The following FMN2 variants were observed in gnomAD, a reference collection of about 807,000 sequenced individuals.
The protein encoded by FMN2 is formin-2.
A neutral mutation model predicts 142.3 loss-of-function variants in FMN2; 51 were observed. The ratio of observed to expected loss-of-function variants is 0.36; its 90% CI spans 0.29 to 0.45. FMN2 has a LOEUF of 0.45. Among genes scored for constraint, FMN2 ranks in the 20% least tolerant of loss-of-function variants. The probability of loss-of-function intolerance (pLI) is 1.00; values close to 1 mark genes in which losing one functional copy is unlikely to be tolerated. For missense variants in FMN2, 1,936 were observed against 2,122.8 expected, an observed-to-expected ratio of 0.91 and a Z score of 1.73; for synonymous variants, 882 against 869.8, an observed-to-expected ratio of 1.01 and a Z score of -0.25.
chr1:240,434,526 GT>G (rs34529154), intron 15 of FMN2, among the ~76,000 whole-genome samples: 79,366 of 150,360 alleles, frequency 0.53, 22,460 homozygotes, highest in East Asian at 0.75. Flanking sequence ...TTATTTGCTT[GT>G]TTTTTTTTGT....
chr1:240,423,822 T>C (rs374908561), intron 15 of FMN2, among the ~76,000 whole-genome samples: 1 of 152,158 alleles, frequency 6.6e-6, no homozygotes, highest in African/African-American at 2.4e-5. Flanking sequence ...TGTCTCAAAA[T>C]AGCCAGAACT....
At chr1:240,447,033 G>A (rs1044612494) in intron 16 of FMN2, among the ~76,000 whole-genome samples, 4 of 152,178 alleles carry the variant, frequency 2.6e-5, no homozygotes, top group Non-Finnish European at 5.9e-5. Context: ...AGAGATGAGG[G>A]AAGAGATTGC....
chr1:240,210,909 T>TA (rs1339494791), intron 5 of FMN2, among the ~76,000 whole-genome samples, 182 bp from the exon 6 acceptor site: 1 of 152,222 alleles, frequency 6.6e-6, no homozygotes, highest in Non-Finnish European at 1.5e-5. Flanking sequence ...ACTTTCCCAT[T>TA]AAGTTGATCA....
rs574294000 is a variant in FMN2 at position 240,301,690 on chromosome 1, A to G, written c.4215+6807A>G. On this transcript the variant is annotated intron_variant, in intron 8 of 17. Coordinates refer to ENST00000319653, the MANE Select transcript of FMN2 (RefSeq NM_020066.5). ...CTTTCAGCATAATAAAGATATCCCA[A>G]TTACCTCCGATCTACCTTGTCTCTG... Among the ~76,000 whole-genome samples, 9 of 151,954 alleles carry G rather than the reference A, an allele frequency of 5.9e-5. No homozygotes were observed. The East Asian group carries it at 7.7e-4, about 13-fold the overall frequency.
intron 2 of FMN2, among the ~76,000 whole-genome samples, chr1:240,135,439 G>A (rs921971327): frequency 1.3e-5 from 2 of 152,122 alleles, no homozygotes; most frequent in East Asian, 1.9e-4. Flanking sequence ...AAGTGGATAT[G>A]TATCCAGAAG....
chr1:240,346,196 C>A (rs1423620777), intron 13 of FMN2, among the ~76,000 whole-genome samples: 2 of 151,974 alleles, frequency 1.3e-5, no homozygotes, highest in African/African-American at 4.8e-5. Context: ...GTACCAAACT[C>A]TATATGTACT....
intron 2 of FMN2, among the ~76,000 whole-genome samples, chr1:240,156,865 T>C (rs1381267874): frequency 1.3e-5 from 2 of 152,128 alleles, no homozygotes; most frequent in Non-Finnish European, 2.9e-5. Context: ...GCCTGAATTA[T>C]AATATACAGG....
intron 6 of FMN2, among the ~76,000 whole-genome samples, chr1:240,243,087 G>A (rs1254172090): frequency 1.3e-5 from 2 of 151,988 alleles, no homozygotes; most frequent in African/African-American, 4.8e-5. Context: ...GAATACGGTA[G>A]TGTAAGTAAG....
chr1:240,434,076 AAAGGACCATTT>A (rs944556643), intron 15 of FMN2, among the ~76,000 whole-genome samples: 3 of 152,106 alleles, frequency 2.0e-5, no homozygotes, highest in Non-Finnish European at 4.4e-5. Context: ...TCTTTTCAAA[AAAGGACCATTT>A]AAGAATCCAG....
At chr1:240,237,947 A>T (rs1196159588) in intron 6 of FMN2, among the ~76,000 whole-genome samples, 3 of 152,176 alleles carry the variant, frequency 2.0e-5, no homozygotes, top group African/African-American at 7.2e-5. Context: ...CTTTTATTTG[A>T]CTTCTCAATG....
At chr1:240,192,645 C>T (rs1422824241) in intron 4 of FMN2, among the ~76,000 whole-genome samples, 5 of 152,106 alleles carry the variant, frequency 3.3e-5, no homozygotes, top group African/African-American at 1.2e-4. Context: ...AAGTCTTCCT[C>T]AGTGTCTAAT....
At chr1:240,147,583 C>T (rs530715916) in intron 2 of FMN2, among the ~76,000 whole-genome samples, 30 of 152,238 alleles carry the variant, frequency 2.0e-4, no homozygotes, top group Non-Finnish European at 1.8e-4. Context: ...GCCTGGAATC[C>T]CTGCACTCAA....
At position 240,123,241 on chromosome 1, in the gene FMN2, A is replaced by C. The variant is rs1391899500; in HGVS notation, c.1678A>C (p.Lys560Gln). 1 of 1,613,986 alleles carries C rather than the reference A, an allele frequency of 6.2e-7. No individual in the cohort carries two copies. Among genetic ancestry groups the C allele is most frequent in the Non-Finnish European group, 8.5e-7 (1 of 1,180,030 alleles). ...QENGPPEEAE[K>Q]FCSRIIAMGL... is the part of the protein sequence containing the mutation. ...GAACGGGCCTCCAGAAGAAGCAGAG[A>C]AGTTTTGCTCCCGGATCATTGCCAT... The change falls in exon 2 of 18, where the codon AAG becomes CAG. Residue 560 changes from lysine to glutamine, a missense_variant. Physicochemically the swap from Lys to Gln is moderately conservative, Grantham distance 53. Transcript: ENST00000319653.
intron 7 of FMN2, among the ~76,000 whole-genome samples, chr1:240,272,648 C>G (rs1345671116): frequency 6.6e-6 from 1 of 152,060 alleles, no homozygotes. Flanking sequence ...CTTATGGAGC[C>G]GCATGTGTCC....
intron 3 of FMN2, among the ~76,000 whole-genome samples, chr1:240,178,669 A>G (rs1255498168): frequency 6.6e-6 from 1 of 152,078 alleles, no homozygotes; most frequent in Non-Finnish European, 1.5e-5. Context: ...CCTGGGCTCA[A>G]GCAGTTCTCC....
chr1:240,243,777 C>A (rs1397057646), intron 6 of FMN2, among the ~76,000 whole-genome samples: 8 of 152,210 alleles, frequency 5.3e-5, no homozygotes. Flanking sequence ...TAGGCAAAGA[C>A]ATGTCCTGAA....
chr1:240,273,573 T>A (rs1207907829), intron 7 of FMN2, among the ~76,000 whole-genome samples: 1 of 152,174 alleles, frequency 6.6e-6, no homozygotes, highest in Non-Finnish European at 1.5e-5. Context: ...GAGGCTATGG[T>A]TGCTGTGTGC....
intron 3 of FMN2, among the ~76,000 whole-genome samples, chr1:240,184,708 C>T: frequency 6.6e-6 from 1 of 151,910 alleles, no homozygotes; most frequent in Admixed American, 6.6e-5. Context: ...TAAGGCAATT[C>T]CTGAAAGTGC....
intron 14 of FMN2, among the ~76,000 whole-genome samples, chr1:240,369,109 G>T (rs374101380): frequency 5.9e-5 from 9 of 152,130 alleles, no homozygotes; most frequent in African/African-American, 1.9e-4. Flanking sequence ...ACATAGCTGC[G>T]ATTTTGTACA....
Sources: allele counts gnomAD v4.1 joint callset (sites outside exome capture counted in the v4.1 genomes callset), GRCh38; gene constraint gnomAD v4.1.1; transcripts MANE v1.5; gene names NCBI Gene and HGNC (gene_info 2026-07-23, HGNC 2026-07-21).